Variants in RABGAP1 observed in about 807,000 individuals in gnomAD.
The protein encoded by RABGAP1 is RAB GTPase activating protein 1, also known as rab GTPase-activating protein 1.
In RABGAP1, 23 loss-of-function variants were observed where a neutral mutation model predicts 137.6. The observed-to-expected ratio is 0.17, with a 90% CI of 0.12 to 0.24. The LOEUF (loss-of-function observed/expected upper bound fraction) is 0.24. Among genes scored for constraint, RABGAP1 ranks in the 10% least tolerant of loss-of-function variants. The pLI is 1.00. For missense variants in RABGAP1, 906 were observed against 1,275.8 expected, an observed-to-expected ratio of 0.71 and a Z score of 4.42; for synonymous variants, 451 against 450.7, an observed-to-expected ratio of 1.00 and a Z score of -0.01.
chr9:123,058,236 T>A (rs374130074), intron 13 of RABGAP1, among the ~76,000 whole-genome samples: 20 of 152,140 alleles, frequency 1.3e-4, no homozygotes, highest in African/African-American at 4.6e-4. Flanking sequence ...TAAATTATGG[T>A]ATAATAGTGT....
intron 21 of RABGAP1, among the ~76,000 whole-genome samples, chr9:123,097,493 T>C (rs2035218340): frequency 6.6e-6 from 1 of 152,172 alleles, no homozygotes; most frequent in Non-Finnish European, 1.5e-5. Flanking sequence ...CAGTGAACAA[T>C]GGGCGATGAG....
chr9:123,019,472 T>A (rs1242950013), intron 12 of RABGAP1, among the ~76,000 whole-genome samples: 1 of 151,822 alleles, frequency 6.6e-6, no homozygotes, highest in Admixed American at 6.6e-5. Flanking sequence ...ATAACCATCA[T>A]GCCAGCTTAT....
intron 2 of RABGAP1, among the ~76,000 whole-genome samples, chr9:122,971,399 C>T (rs1835465777): frequency 6.6e-6 from 1 of 152,138 alleles, no homozygotes; most frequent in Non-Finnish European, 1.5e-5. Flanking sequence ...GGTATTTCCC[C>T]AGATAACCCT....
Position 123,079,332 on chromosome 9 carries a change from C to T in RABGAP1, c.2424+2570C>T, listed in dbSNP as rs1478565861. On this transcript the variant is annotated intron_variant, in intron 19 of 25. Coordinates refer to ENST00000373647, the MANE Select transcript of RABGAP1 (RefSeq NM_012197.4). ...TCAGCTCACTGCAACCTCCGCCTCCCGGGTTCAAGTAATTCTCCTGTTTCA... is the reference window on the plus strand; with the variant it reads ...TCAGCTCACTGCAACCTCCGCCTCCTGGGTTCAAGTAATTCTCCTGTTTCA... 4.6e-5 allele frequency among the ~76,000 whole-genome samples: 7 copies of T among 151,016 alleles called. No individual in the cohort carries two copies. The East Asian group carries it at 7.8e-4, about 17-fold the overall frequency.
chr9:122,996,630 G>A (rs1255224237), intron 8 of RABGAP1, 25 bp downstream of exon 8: 1 of 1,532,454 alleles, frequency 6.5e-7, no homozygotes, highest in East Asian at 2.3e-5. Context: ...TTATTAGAAA[G>A]TTACATACTA....
intron 25 of RABGAP1, among the ~76,000 whole-genome samples, chr9:123,102,013 A>G (rs1002996853): frequency 1.3e-5 from 2 of 152,196 alleles, no homozygotes; most frequent in Admixed American, 6.5e-5. Context: ...TGATGGGATG[A>G]GAAGACAGTG....
intron 13 of RABGAP1, among the ~76,000 whole-genome samples, chr9:123,027,250 G>A (rs1042817637): frequency 3.3e-5 from 5 of 152,084 alleles, no homozygotes; most frequent in African/African-American, 9.6e-5. Flanking sequence ...CGAGTAGCTG[G>A]GACTACAGGC....
Position 122,957,217 on chromosome 9 carries a change from T to G in RABGAP1, c.150+8T>G. ...GAGAAAACAGGACTCAAGGTAAAAC[T>G]CCCTAACCTAAGATTGTTTTGCTTA... On this transcript the variant is annotated splice_region_variant and intron_variant, in intron 2 of 25. Transcript: ENST00000373647. 6.6e-7 allele frequency: 1 copy of G among 1,503,768 alleles called. No homozygotes were observed. Among genetic ancestry groups the G allele is most frequent in the South Asian group, 1.4e-5 (1 of 73,996 alleles). The allele number at this position is 1,503,768 out of a possible 1,614,324, so 93.2% of individuals were successfully genotyped here.
intron 13 of RABGAP1, among the ~76,000 whole-genome samples, chr9:123,049,779 T>C (rs1037172438): frequency 1.3e-5 from 2 of 152,250 alleles, no homozygotes; most frequent in African/African-American, 4.8e-5. Flanking sequence ...GTGGGAAATA[T>C]GCCAGCATCA....
intron 13 of RABGAP1, chr9:123,034,776 T>C (rs2032522515): frequency 6.2e-7 from 1 of 1,613,650 alleles, no homozygotes; most frequent in Non-Finnish European, 8.5e-7. Flanking sequence ...TTATCCAGAC[T>C]ATGGCATATG....
At chr9:123,041,301 C>G (rs904650980) in intron 13 of RABGAP1, among the ~76,000 whole-genome samples, 3 of 152,154 alleles carry the variant, frequency 2.0e-5, no homozygotes, top group African/African-American at 7.2e-5. Context: ...ACTCCAAAGC[C>G]TATGTTCTTG....
At chr9:122,939,535 G>A (rs895244632), upstream of RABGAP1, 2 of 151,948 alleles carry the variant, frequency 1.3e-5, no homozygotes, top group Non-Finnish European at 2.9e-5. Flanking sequence ...GTTTTAGCTT[G>A]TGTCTATTCT....
intron 19 of RABGAP1, among the ~76,000 whole-genome samples, chr9:123,081,654 G>T (rs1031959283): frequency 5.3e-5 from 8 of 152,078 alleles, no homozygotes; most frequent in Admixed American, 1.3e-4. Context: ...TGTTGCCCAG[G>T]CTGGTCTCGA....
At chr9:123,031,608 A>G (rs1197268321) in intron 13 of RABGAP1, among the ~76,000 whole-genome samples, 2 of 152,194 alleles carry the variant, frequency 1.3e-5, no homozygotes, top group African/African-American at 4.8e-5. Flanking sequence ...TGCATTTGAG[A>G]ACTATTGTGG....
At chr9:122,970,298 A>T (rs192978015) in intron 2 of RABGAP1, among the ~76,000 whole-genome samples, 5 of 152,028 alleles carry the variant, frequency 3.3e-5, no homozygotes, top group Non-Finnish European at 7.4e-5. Context: ...GTTGGGTGTG[A>T]TAGTGTGTAC....
At chr9:123,089,157 A>T (rs12343829) in intron 19 of RABGAP1, among the ~76,000 whole-genome samples, 16,483 of 152,124 alleles carry the variant, frequency 0.11, 2,889 homozygotes, top group African/African-American at 0.37. Context: ...AAGGGTAGAG[A>T]TAACTGTCTG....
rs1005094257 is a variant in RABGAP1, at chr9:123,076,233, G to C, written c.2254-12G>C. 4.4e-6 allele frequency: 7 copies of C among 1,608,544 alleles called. No individual in the cohort carries two copies. Among genetic ancestry groups the C allele is most frequent in the Non-Finnish European group, 5.9e-6 (7 of 1,176,760 alleles). On this transcript the variant is annotated splice_polypyrimidine_tract_variant and intron_variant, in intron 17 of 25. Transcript: ENST00000373647. The stretch of plus-strand genomic sequence containing the variant: ...AAAACTGACAGTGTTCTTTTTGTCT[G>C]TTCTCTTTCAGGGAATAAGTGTTAT...
chr9:123,101,521 C>A, intron 24 of RABGAP1, 45 bp from the exon 25 acceptor site: 1 of 1,562,934 alleles, frequency 6.4e-7, no homozygotes, highest in East Asian at 2.3e-5. Context: ...TCCTAAAGGG[C>A]CAGTTCCTCT....
At chr9:123,040,130 A>C (rs1588316462) in intron 13 of RABGAP1, among the ~76,000 whole-genome samples, 1 of 152,146 alleles carries the variant, frequency 6.6e-6, no homozygotes, top group African/African-American at 2.4e-5. Context: ...TATAGTCTTT[A>C]GGTGTTTCTT....
Sources: gnomAD v4.1 joint callset for allele counts (sites outside exome capture counted in the v4.1 genomes callset) on GRCh38, gnomAD v4.1.1 for gene constraint, MANE v1.5 for transcripts, NCBI Gene and HGNC (gene_info 2026-07-23, HGNC 2026-07-21) for gene names.